ZFHX3: variants seen among roughly 807,000 people sequenced by gnomAD.
ZFHX3 encodes zinc finger homeobox protein 3.
ZFHX3 carries 42 observed loss-of-function variants against 279.1 expected under a neutral mutation model. The observed-to-expected ratio is 0.15, with a 90% CI of 0.12 to 0.19. The LOEUF (loss-of-function observed/expected upper bound fraction) is 0.19, where lower values mean the gene tolerates loss of function less well. ZFHX3 is among the 10% of genes least tolerant of loss of function. ZFHX3 has a pLI of 1.00. For missense variants in ZFHX3, 4,981 were observed against 4,754.0 expected, an observed-to-expected ratio of 1.05 and a Z score of -1.40; for synonymous variants, 2,293 against 1,957.8, an observed-to-expected ratio of 1.17 and a Z score of -4.52.
chr16:72,804,964 GATTTT>G (rs1157250551), intron 7 of ZFHX3, among the ~76,000 whole-genome samples: 1 of 147,360 alleles, frequency 6.8e-6, no homozygotes, highest in Non-Finnish European at 1.5e-5. Context: ...AAAGCAGAGA[GATTTT>G]ATTTATTTAT....
chr16:73,162,716 G>GCGCCA (rs1480499246), intron 5 of ZFHX3, among the ~76,000 whole-genome samples: 5 of 152,126 alleles, frequency 3.3e-5, no homozygotes, highest in African/African-American at 1.2e-4. Context: ...GCCCACCGTG[G>GCGCCA]CCTCCCAAAG....
intron 4 of ZFHX3, among the ~76,000 whole-genome samples, chr16:72,833,769 GAGA>G (rs1297893333): frequency 6.6e-6 from 1 of 152,130 alleles, no homozygotes; most frequent in Non-Finnish European, 1.5e-5. Flanking sequence ...GAAGACACCA[GAGA>G]AGGTGTCTCT....
At chr16:73,326,380 C>T (rs2143212734) in intron 3 of ZFHX3, among the ~76,000 whole-genome samples, 1 of 152,272 alleles carries the variant, frequency 6.6e-6, no homozygotes, top group South Asian at 2.1e-4. Context: ...GCCGACTTTC[C>T]AGTTCTCAGT....
chr16:73,652,144 A>G (rs1349896400), intron 2 of ZFHX3, among the ~76,000 whole-genome samples: 1 of 152,002 alleles, frequency 6.6e-6, no homozygotes, highest in Non-Finnish European at 1.5e-5. Flanking sequence ...CTTTTCTGGG[A>G]AGAGCTTAGA....
intron 1 of ZFHX3, among the ~76,000 whole-genome samples, chr16:73,781,861 T>TGC (rs1210769301): frequency 1.3e-5 from 2 of 151,958 alleles, no homozygotes; most frequent in Non-Finnish European, 2.9e-5. Context: ...GTGGTGTGCA[T>TGC]CTGTAATCCC....
intron 5 of ZFHX3, among the ~76,000 whole-genome samples, chr16:73,151,927 C>T (rs774515035): frequency 2.0e-5 from 3 of 149,474 alleles, no homozygotes; most frequent in Non-Finnish European, 4.4e-5. Flanking sequence ...ACCCCCACCC[C>T]ACCCACACAG....
intron 8 of ZFHX3, among the ~76,000 whole-genome samples, chr16:73,082,948 CCG>C (rs1368853123): frequency 6.6e-6 from 1 of 150,902 alleles, no homozygotes; most frequent in Non-Finnish European, 1.5e-5. Context: ...CTTTGGGAGG[CCG>C]AGGTGGACGG....
intron 1 of ZFHX3, among the ~76,000 whole-genome samples, chr16:73,856,933 A>C (rs1961745258): frequency 2.6e-5 from 4 of 152,256 alleles, no homozygotes; most frequent in Admixed American, 2.6e-4. Context: ...TCAACTGATC[A>C]GGAACGAATG....
chr16:72,926,570 T>C (rs1959457876), intron 3 of ZFHX3, among the ~76,000 whole-genome samples: 1 of 152,210 alleles, frequency 6.6e-6, no homozygotes, highest in East Asian at 1.9e-4. Flanking sequence ...TTTCGGAGTA[T>C]GGATACTAAT....
chr16:72,939,286 C>G (rs1267644533), intron 3 of ZFHX3, among the ~76,000 whole-genome samples: 1 of 152,152 alleles, frequency 6.6e-6, no homozygotes, highest in East Asian at 1.9e-4. Flanking sequence ...AGAGCAAAAA[C>G]ATCCGATGCT....
intron 1 of ZFHX3, among the ~76,000 whole-genome samples, chr16:73,728,812 T>TAC (rs3049676): frequency 0.18 from 26,417 of 145,934 alleles, 2,524 homozygotes; most frequent in African/African-American, 0.28. Context: ...AATAACCCCC[T>TAC]ACACACACAC....
intron 1 of ZFHX3, among the ~76,000 whole-genome samples, chr16:73,868,011 C>A (rs1004749208): frequency 1.3e-5 from 2 of 152,202 alleles, no homozygotes; most frequent in African/African-American, 4.8e-5. Context: ...TTCTTCATAC[C>A]TCCAGCCCTC....
At position 73,070,924 on chromosome 16, in the gene ZFHX3, GCGCGCGCGCGCGCGCA is replaced by G. The variant is rs1194041249; in HGVS notation, c.-532-11928_-532-11913del. On this transcript the variant is annotated intron_variant, in intron 8 of 17. Transcript: ENST00000641206. ...GGTTCCTAGACCGTCTTGCGCGCGCGCGCGCGCGCGCGCGCACACACACACACACACACACACACAC... is the reference window on the plus strand; with the variant it reads ...GGTTCCTAGACCGTCTTGCGCGCGCGCACACACACACACACACACACACAC... 7.5e-4 allele frequency among the ~76,000 whole-genome samples: 24 copies of G among 31,908 alleles called. No homozygotes were observed. The South Asian group carries it at 0.019, about 25-fold the overall frequency. The allele number at this position is 31,908 out of a possible 152,430, so 20.9% of individuals were successfully genotyped here. A position where few individuals can be genotyped will look rare whatever the true frequency, so the allele number is the denominator to read the frequency against.
At chr16:73,508,776 A>G (rs2019372680) in intron 2 of ZFHX3, among the ~76,000 whole-genome samples, 1 of 152,222 alleles carries the variant, frequency 6.6e-6, no homozygotes, top group African/African-American at 2.4e-5. Flanking sequence ...TTAGTGAGAC[A>G]TAGGCCTTAA....
At chr16:73,099,488 A>C (rs1447524776) in intron 7 of ZFHX3, among the ~76,000 whole-genome samples, 1 of 152,202 alleles carries the variant, frequency 6.6e-6, no homozygotes, top group Non-Finnish European at 1.5e-5. Flanking sequence ...AGGCAGGTGG[A>C]TTACCTGTGG....
chr16:73,085,716 C>T (rs1006973478), intron 8 of ZFHX3, among the ~76,000 whole-genome samples: 2 of 152,056 alleles, frequency 1.3e-5, no homozygotes, highest in Non-Finnish European at 1.5e-5. Flanking sequence ...AGACCTGAAA[C>T]TATGAAACTC....
chr16:72,949,911 CT>C (rs774934563), intron 3 of ZFHX3, among the ~76,000 whole-genome samples: 8,152 of 115,942 alleles, frequency 0.07, 265 homozygotes, highest in Middle Eastern at 0.15. Context: ...ATTTTCTTTT[CT>C]TTTTTTTTTT....
rs118133301 is a variant in ZFHX3, at chr16:72,953,142, C to T, written c.2720-2177G>A. ...GACCAGCAGCTGCGTTTGAAGCTCA[C>T]GGACAGTCTAGCAAGCCACAGAAAT... On this transcript the variant is annotated intron_variant, in intron 2 of 9. Coordinates refer to ENST00000268489, the MANE Select transcript of ZFHX3 (RefSeq NM_006885.4). Among the ~76,000 whole-genome samples, 12 of 152,270 alleles carry T rather than the reference C, an allele frequency of 7.9e-5. No individual in the cohort carries two copies. The South Asian group carries it at 8.3e-4, about 11-fold the overall frequency.
In ZFHX3 at chr16:72,797,908, C is replaced by G. The variant is rs370690780; in HGVS notation, c.4774G>C (p.Asp1592His). The G allele has an allele frequency of 4.3e-6, 7 of 1,614,054 alleles. No homozygotes were observed. The highest frequency in any genetic ancestry group is 1.1e-5 in the South Asian group (1 of 91,086). The change falls in exon 9 of 10, where the codon GAC (aspartate) becomes CAC (histidine). Residue 1592 changes from aspartate to histidine, a missense_variant. Physicochemically the swap from Asp to His is moderately conservative, Grantham distance 81. Coordinates refer to ENST00000268489, the MANE Select transcript of ZFHX3 (RefSeq NM_006885.4). ...GTGTTACACTTAAAAGGTTTGTTGT[C>G]TGGGCTGCTGGTGGGTTCTGGCTGA... The part of the protein sequence containing the change: ...TGQPEPTSSP[D>H]NKPFKCNTCN...
Sources: allele counts gnomAD v4.1 joint callset (sites outside exome capture counted in the v4.1 genomes callset), GRCh38; gene constraint gnomAD v4.1.1; transcripts MANE v1.5; gene names NCBI Gene and HGNC (gene_info 2026-07-23, HGNC 2026-07-21).